The following ARID1B variants were observed in gnomAD, a reference collection of about 807,000 sequenced individuals.
ARID1B encodes AT-rich interactive domain-containing protein 1B.
In ARID1B, 30 loss-of-function variants were observed where a neutral mutation model predicts 212.3. That is an observed-to-expected ratio of 0.14 (90% CI 0.11 to 0.19). The LOEUF (loss-of-function observed/expected upper bound fraction) is 0.19, where lower values mean the gene tolerates loss of function less well. Ranked by LOEUF, ARID1B falls within the 10% of genes least tolerant of loss-of-function variation. ARID1B has a pLI of 1.00. For missense variants in ARID1B, 2,891 were observed against 3,204.0 expected (o/e 0.90, Z 2.36); for synonymous variants, 1,402 against 1,301.7 (o/e 1.08, Z -1.66).
intron 7 of ARID1B, among the ~76,000 whole-genome samples, chr6:157,144,446 G>T (rs1034040128): frequency 1.3e-5 from 2 of 152,176 alleles, no homozygotes; most frequent in African/African-American, 4.8e-5. Context: ...GTGGAAACTA[G>T]CCCTCAAGTA....
At chr6:156,789,894 A>G (rs1779899970) in intron 1 of ARID1B, among the ~76,000 whole-genome samples, 1 of 152,224 alleles carries the variant, frequency 6.6e-6, no homozygotes, top group African/African-American at 2.4e-5. Flanking sequence ...CTGCTTGGCA[A>G]TGAAAAGGAC....
At chr6:156,947,221 G>A (rs1288525751) in intron 4 of ARID1B, among the ~76,000 whole-genome samples, 2 of 152,136 alleles carry the variant, frequency 1.3e-5, no homozygotes, top group African/African-American at 4.8e-5. Context: ...ATCCAAATAG[G>A]TTCCTTTCCT....
chr6:156,876,481 C>CT (rs1786561428), intron 2 of ARID1B, among the ~76,000 whole-genome samples: 1 of 152,216 alleles, frequency 6.6e-6, no homozygotes, highest in South Asian at 2.1e-4. Context: ...GCATGTCCAC[C>CT]TGGGGGCGCC....
intron 8 of ARID1B, chr6:157,151,035 T>G (rs1336662164): frequency 6.2e-6 from 1 of 160,644 alleles, no homozygotes; most frequent in African/African-American, 2.4e-5. Context: ...TGTTTCGTTT[T>G]CCTTTCGTAT....
intron 1 of ARID1B, among the ~76,000 whole-genome samples, chr6:156,795,394 T>G (rs74653119): frequency 0.017 from 2,533 of 152,256 alleles, 70 homozygotes; most frequent in African/African-American, 0.057. Context: ...GGATGAGAGA[T>G]AATTTTAGAG....
At chr6:156,792,144 T>C (rs1583049647) in intron 1 of ARID1B, among the ~76,000 whole-genome samples, 1 of 152,252 alleles carries the variant, frequency 6.6e-6, no homozygotes, top group Admixed American at 6.5e-5. Flanking sequence ...AGCACTGTTA[T>C]TTATGGCTCT....
intron 4 of ARID1B, among the ~76,000 whole-genome samples, chr6:156,951,865 T>C (rs530339020): frequency 1.3e-5 from 2 of 152,228 alleles, no homozygotes; most frequent in Non-Finnish European, 2.9e-5. Flanking sequence ...ATATGAGTTT[T>C]TAATATAGTG....
intron 5 of ARID1B, among the ~76,000 whole-genome samples, chr6:157,100,894 A>G (rs1482793716): frequency 1.3e-5 from 2 of 152,246 alleles, no homozygotes; most frequent in Non-Finnish European, 2.9e-5. Context: ...TAAAGGAGCA[A>G]CTAAATACAA....
At chr6:156,857,444 G>A (rs780513810) in intron 2 of ARID1B, among the ~76,000 whole-genome samples, 25 of 152,164 alleles carry the variant, frequency 1.6e-4, no homozygotes, top group Non-Finnish European at 2.5e-4. Context: ...ACTTGGCCTG[G>A]GGGCTAACTT....
chr6:157,153,469 CAG>C (rs201111980), intron 8 of ARID1B, among the ~76,000 whole-genome samples: 4,310 of 152,232 alleles, frequency 0.028, 80 homozygotes, highest in Non-Finnish European at 0.039. Flanking sequence ...ATATAAGAAA[CAG>C]AGAGTTGGAA....
At chr6:156,904,767 A>G (rs1168253947) in intron 3 of ARID1B, among the ~76,000 whole-genome samples, 1 of 152,226 alleles carries the variant, frequency 6.6e-6, no homozygotes, top group Non-Finnish European at 1.5e-5. Context: ...ATTTGACCTC[A>G]TGTGATGGAT....
chr6:157,204,369 G>A (rs1794305954), intron 19 of ARID1B: 1 of 164,014 alleles, frequency 6.1e-6, no homozygotes, highest in Non-Finnish European at 1.3e-5. Context: ...ACAGTTGGTT[G>A]CAATGGGACA....
At chr6:156,826,737 C>T (rs1782768278) in intron 1 of ARID1B, among the ~76,000 whole-genome samples, 1 of 152,102 alleles carries the variant, frequency 6.6e-6, no homozygotes, top group Admixed American at 6.6e-5. Context: ...CAGCAGTGGC[C>T]TCCTTGTCAA....
At chr6:156,927,442 A>G (rs1048089149) in intron 3 of ARID1B, among the ~76,000 whole-genome samples, 2 of 152,146 alleles carry the variant, frequency 1.3e-5, no homozygotes, top group Non-Finnish European at 2.9e-5. Context: ...TGTCAAACTC[A>G]TCATTTTTTG....
intron 4 of ARID1B, among the ~76,000 whole-genome samples, chr6:156,994,285 G>A (rs1334189225): frequency 6.6e-6 from 1 of 152,126 alleles, no homozygotes; most frequent in Non-Finnish European, 1.5e-5. Context: ...TCAATAACAA[G>A]CCATTTTCAG....
intron 4 of ARID1B, among the ~76,000 whole-genome samples, chr6:157,012,277 T>C (rs2128456967): frequency 6.6e-6 from 1 of 152,332 alleles, no homozygotes; most frequent in East Asian, 1.9e-4. Flanking sequence ...ACGTAATAAT[T>C]GTGTTTAATT....
At chr6:156,949,879 A>G (rs17087956) in intron 4 of ARID1B, among the ~76,000 whole-genome samples, 4,529 of 152,290 alleles carry the variant, frequency 0.03, 222 homozygotes, top group African/African-American at 0.1. Flanking sequence ...AAACTAAACT[A>G]TGGGGACGAG....
chr6:156,932,009 C>T (rs1791767912), intron 3 of ARID1B, among the ~76,000 whole-genome samples: 1 of 147,962 alleles, frequency 6.8e-6, no homozygotes, highest in Non-Finnish European at 1.5e-5. Context: ...GTGGTATGTG[C>T]CTGTAGTCCT....
chr6:156,875,718 G>A (rs1195614536), intron 2 of ARID1B, among the ~76,000 whole-genome samples: 6 of 152,208 alleles, frequency 3.9e-5, no homozygotes, highest in Admixed American at 2.0e-4. Flanking sequence ...AGAAAGCTGC[G>A]CGTATTAAGT....
Sources: gnomAD v4.1 joint callset for allele counts (sites outside exome capture counted in the v4.1 genomes callset) on GRCh38, gnomAD v4.1.1 for gene constraint, MANE v1.5 for transcripts, NCBI Gene and HGNC (gene_info 2026-07-23, HGNC 2026-07-21) for gene names.